Variants in OPCML observed in about 807,000 individuals in gnomAD.
The protein encoded by OPCML is opioid-binding protein/cell adhesion molecule.
A neutral mutation model predicts 37.8 loss-of-function variants in OPCML; 13 were observed. That is an observed-to-expected ratio of 0.34 (90% CI 0.22 to 0.55). OPCML has a LOEUF of 0.55. OPCML is among the 20% of genes least tolerant of loss of function. OPCML has a pLI of 0.91. For synonymous variants in OPCML, 176 were observed against 168.8 expected (o/e 1.04, Z -0.33); for missense variants, 341 against 435.6 (o/e 0.78, Z 1.93).
chr11:132,643,761 G>A (rs564085509), intron 3 of OPCML, among the ~76,000 whole-genome samples: 1 of 152,162 alleles, frequency 6.6e-6, no homozygotes, highest in South Asian at 2.1e-4. Flanking sequence ...GGAACATCCA[G>A]TGTCAAACTC....
At chr11:132,547,490 G>C (rs2096371413) in intron 3 of OPCML, among the ~76,000 whole-genome samples, 1 of 152,008 alleles carries the variant, frequency 6.6e-6, no homozygotes, top group Admixed American at 6.6e-5. Context: ...AGAAAGGGTA[G>C]AGGCAGAGTC....
chr11:132,820,314 C>T (rs549262637), intron 2 of OPCML, among the ~76,000 whole-genome samples: 2 of 152,220 alleles, frequency 1.3e-5, no homozygotes, highest in South Asian at 4.2e-4. Context: ...GGAAAAGAAG[C>T]CAAAGCATTT....
intron 3 of OPCML, among the ~76,000 whole-genome samples, chr11:132,585,717 T>A (rs1470345578): frequency 3.3e-5 from 5 of 152,178 alleles, no homozygotes; most frequent in African/African-American, 9.6e-5. Flanking sequence ...TTCTGCTTAA[T>A]TTGTACAATC....
chr11:132,429,390 C>T (rs924517120), intron 7 of OPCML, among the ~76,000 whole-genome samples: 1 of 152,114 alleles, frequency 6.6e-6, no homozygotes, highest in African/African-American at 2.4e-5. Context: ...GAGACGTGTG[C>T]CACAATGTGA....
chr11:132,755,461 T>A (rs1946004292), intron 2 of OPCML, among the ~76,000 whole-genome samples: 1 of 152,166 alleles, frequency 6.6e-6, no homozygotes, highest in South Asian at 2.1e-4. Flanking sequence ...CAAACTTGGA[T>A]CCTATCAAGA....
At chr11:133,152,087 ATTGTT>A (rs900865934) in intron 1 of OPCML, among the ~76,000 whole-genome samples, 1 of 152,070 alleles carries the variant, frequency 6.6e-6, no homozygotes, top group African/African-American at 2.4e-5. Context: ...TCCCCCATGT[ATTGTT>A]TCTACCTTGG....
At chr11:132,985,305 G>A (rs567467092) in intron 1 of OPCML, among the ~76,000 whole-genome samples, 2 of 152,302 alleles carry the variant, frequency 1.3e-5, no homozygotes, top group African/African-American at 2.4e-5. Flanking sequence ...TCTCATCAGA[G>A]GCTCAGAGTC....
chr11:133,530,592 C>T (rs1948585551), intron 1 of OPCML, among the ~76,000 whole-genome samples: 3 of 152,242 alleles, frequency 2.0e-5, no homozygotes, highest in Admixed American at 2.0e-4. Context: ...ACTGAGTGTT[C>T]CGTTGGCTCT....
chr11:132,858,916 C>CGT (rs1355098239), intron 2 of OPCML, among the ~76,000 whole-genome samples: 4 of 152,058 alleles, frequency 2.6e-5, no homozygotes, highest in South Asian at 2.1e-4. Context: ...ATTGTTTATA[C>CGT]GTGTGTGTGT....
intron 4 of OPCML, among the ~76,000 whole-genome samples, chr11:132,476,513 A>G (rs1016296982): frequency 2.0e-5 from 3 of 152,204 alleles, no homozygotes. Context: ...TGCGGCCATA[A>G]AAAAGGATGA....
At chr11:132,499,841 A>T (rs978001127) in intron 4 of OPCML, among the ~76,000 whole-genome samples, 1 of 152,336 alleles carries the variant, frequency 6.6e-6, no homozygotes, top group South Asian at 2.1e-4. Flanking sequence ...ACATCACGGT[A>T]TGTTCTGCCA....
intron 1 of OPCML, among the ~76,000 whole-genome samples, chr11:133,512,387 G>A (rs1948179645): frequency 6.6e-6 from 1 of 152,220 alleles, no homozygotes; most frequent in East Asian, 1.9e-4. Flanking sequence ...GGAATGAATG[G>A]AGTAAGGTAT....
chr11:133,022,694 G>T (rs1289333497), intron 1 of OPCML, among the ~76,000 whole-genome samples: 1 of 152,086 alleles, frequency 6.6e-6, no homozygotes, highest in Non-Finnish European at 1.5e-5. Flanking sequence ...CTTTTTGGAT[G>T]GGGTTTTGGT....
chr11:132,998,854 C>T (rs1946938183), intron 1 of OPCML, among the ~76,000 whole-genome samples: 1 of 152,182 alleles, frequency 6.6e-6, no homozygotes, highest in African/African-American at 2.4e-5. Flanking sequence ...CTGTTGATGC[C>T]TGGGGAGTGG....
Position 132,429,531 on chromosome 11 carries a change from C to T in OPCML, c.916+6555G>A, listed in dbSNP as rs540953524. On this transcript the variant is annotated intron_variant, in intron 7 of 7. Coordinates refer to ENST00000524381, the MANE Select transcript of OPCML (RefSeq NM_001012393.5). The stretch of plus-strand genomic sequence containing the variant: ...TTCTAGAGAGTGTGCAGGGGAAGAG[C>T]GAGGCATGCCCCGAGCGTTCCCAGC... Among the ~76,000 whole-genome samples, 3 of 152,178 alleles carry T rather than the reference C, an allele frequency of 2.0e-5. No homozygotes were observed. In the East Asian group the frequency reaches 5.8e-4, roughly 29 times the overall value.
intron 1 of OPCML, among the ~76,000 whole-genome samples, chr11:133,179,416 G>A (rs1225446513): frequency 2.0e-5 from 3 of 152,050 alleles, no homozygotes; most frequent in Non-Finnish European, 4.4e-5. Flanking sequence ...TCCAGCAGGT[G>A]CCCAGGAACA....
intron 4 of OPCML, among the ~76,000 whole-genome samples, chr11:132,505,679 T>A (rs1318242314): frequency 6.6e-6 from 1 of 152,088 alleles, no homozygotes; most frequent in Non-Finnish European, 1.5e-5. Flanking sequence ...ATGTGAGGCT[T>A]CAAAAAATCA....
intron 2 of OPCML, among the ~76,000 whole-genome samples, chr11:132,802,302 C>T (rs1242439712): frequency 6.6e-6 from 1 of 152,136 alleles, no homozygotes; most frequent in Non-Finnish European, 1.5e-5. Context: ...AACCCTTCCC[C>T]ACAAGCATTT....
chr11:133,215,201 A>C (rs1016421171), intron 1 of OPCML, among the ~76,000 whole-genome samples: 8 of 144,908 alleles, frequency 5.5e-5, no homozygotes, highest in Admixed American at 2.7e-4. Flanking sequence ...AGAGAGAGAG[A>C]GAGAGTGTGT....
Sources: gnomAD v4.1 joint callset for allele counts (sites outside exome capture counted in the v4.1 genomes callset) on GRCh38, gnomAD v4.1.1 for gene constraint, MANE v1.5 for transcripts, NCBI Gene and HGNC (gene_info 2026-07-23, HGNC 2026-07-21) for gene names.